Variants in DACH1 observed in about 807,000 individuals in gnomAD.
The protein encoded by DACH1 is dachshund homolog 1.
Under a neutral mutation model 54.2 loss-of-function variants are expected in DACH1, and 12 were observed. That is an observed-to-expected ratio of 0.22 (90% CI 0.14 to 0.36). The LOEUF (loss-of-function observed/expected upper bound fraction) is 0.36. Among genes scored for constraint, DACH1 ranks in the 10% least tolerant of loss-of-function variants. The probability of loss-of-function intolerance (pLI) is 1.00; values close to 1 mark genes in which losing one functional copy is unlikely to be tolerated. For missense variants in DACH1, 805 were observed against 929.8 expected (o/e 0.87, Z 1.75); for synonymous variants, 386 against 366.2 (o/e 1.05, Z -0.62).
chr13:71,790,723 A>G (rs1409699821), intron 1 of DACH1, among the ~76,000 whole-genome samples: 1 of 152,212 alleles, frequency 6.6e-6, no homozygotes, highest in East Asian at 1.9e-4. Flanking sequence ...AACTAATGTT[A>G]GTAACTTCCA....
rs1874333502 is a variant in DACH1 at position 71,861,279 on chromosome 13, AT to A, written c.848+4642del. ...TTGAAGCTTCACAAAATAAAATATCATATGTACAAATCAAATTTCTTACATC... is the reference window on the plus strand; with the variant it reads ...TTGAAGCTTCACAAAATAAAATATCAATGTACAAATCAAATTTCTTACATC... On this transcript the variant is annotated intron_variant, in intron 1 of 10. Transcript: ENST00000613252. Among the ~76,000 whole-genome samples, 2 of 152,044 alleles carry A rather than the reference AT, an allele frequency of 1.3e-5. 1 individual carries two copies. The highest frequency in any genetic ancestry group is 4.8e-5 in the African/African-American group (2 of 41,450).
At chr13:71,842,482 G>A (rs184537667) in intron 1 of DACH1, among the ~76,000 whole-genome samples, 134 of 152,170 alleles carry the variant, frequency 8.8e-4, no homozygotes, top group South Asian at 1.5e-3. Context: ...GAAGGCTGAG[G>A]TGGGAGGATC....
intron 3 of DACH1, among the ~76,000 whole-genome samples, chr13:71,575,955 T>C (rs1366893863): frequency 2.0e-5 from 3 of 152,126 alleles, no homozygotes; most frequent in East Asian, 1.9e-4. Context: ...TAAATAAGAA[T>C]TGAAAATAGG....
chr13:71,722,803 A>C (rs891301332), intron 1 of DACH1, among the ~76,000 whole-genome samples: 1 of 152,128 alleles, frequency 6.6e-6, no homozygotes, highest in African/African-American at 2.4e-5. Context: ...CAATGTCTAC[A>C]TCATTGCTGT....
chr13:71,676,114 AT>A (rs1880550861), intron 2 of DACH1, among the ~76,000 whole-genome samples: 1 of 152,180 alleles, frequency 6.6e-6, no homozygotes, highest in African/African-American at 2.4e-5. Flanking sequence ...CAATCCAACA[AT>A]TTGCGGCTGT....
intron 10 of DACH1, among the ~76,000 whole-genome samples, chr13:71,443,065 A>G (rs960841349): frequency 1.3e-4 from 20 of 148,314 alleles, no homozygotes; most frequent in African/African-American, 4.9e-4. Context: ...AATTATATAT[A>G]TTATTAAATG....
intron 1 of DACH1, among the ~76,000 whole-genome samples, chr13:71,815,602 C>T (rs1241899700): frequency 6.6e-6 from 1 of 152,118 alleles, no homozygotes; most frequent in Non-Finnish European, 1.5e-5. Flanking sequence ...TTTTGGAACA[C>T]TGATTTGAGT....
intron 3 of DACH1, among the ~76,000 whole-genome samples, chr13:71,609,544 T>G (rs1254544568): frequency 6.6e-6 from 1 of 151,988 alleles, no homozygotes; most frequent in East Asian, 1.9e-4. Flanking sequence ...AAGTTGACTT[T>G]TTTTTTTTCT....
chr13:71,489,337 G>C (rs41300584), intron 6 of DACH1, among the ~76,000 whole-genome samples, 189 bp from the exon 7 acceptor site: 3 of 152,088 alleles, frequency 2.0e-5, no homozygotes, highest in Admixed American at 2.0e-4. Context: ...TAACATTAAT[G>C]AGTAACTTTA....
chr13:71,521,517 G>A (rs931020791), intron 6 of DACH1, among the ~76,000 whole-genome samples: 49 of 151,884 alleles, frequency 3.2e-4, no homozygotes, highest in African/African-American at 1.1e-3. Flanking sequence ...ACCTCCTGGA[G>A]GAAAGAAAAA....
At chr13:71,784,056 C>T (rs368414209) in intron 1 of DACH1, among the ~76,000 whole-genome samples, 14 of 151,368 alleles carry the variant, frequency 9.2e-5, no homozygotes, top group African/African-American at 3.4e-4. Flanking sequence ...GAGGTTGCTG[C>T]CTTTATGAAA....
intron 2 of DACH1, among the ~76,000 whole-genome samples, chr13:71,669,693 G>C (rs942593256): frequency 2.6e-5 from 4 of 152,160 alleles, no homozygotes; most frequent in Non-Finnish European, 5.9e-5. Flanking sequence ...AAATAAGGCA[G>C]AACTTATGAT....
At chr13:71,605,425 T>C (rs1446758173) in intron 3 of DACH1, among the ~76,000 whole-genome samples, 2 of 151,770 alleles carry the variant, frequency 1.3e-5, no homozygotes, top group African/African-American at 4.8e-5. Context: ...CTTCTATTTA[T>C]GAAATCACAA....
chr13:71,499,850 G>A (rs1299872782), intron 6 of DACH1, among the ~76,000 whole-genome samples: 1 of 152,092 alleles, frequency 6.6e-6, no homozygotes, highest in Non-Finnish European at 1.5e-5. Context: ...AAGAAAATCT[G>A]ATGGTTCAGC....
At chr13:71,643,440 A>C (rs1213970611) in intron 2 of DACH1, among the ~76,000 whole-genome samples, 2 of 152,198 alleles carry the variant, frequency 1.3e-5, no homozygotes, top group Non-Finnish European at 2.9e-5. Flanking sequence ...CAACACACTT[A>C]AGCGGACTTT....
In DACH1 at chr13:71,572,941, T is replaced by TGGTGACAGATGCTGGAGGTAG; in HGVS notation, c.1177_1197dup (p.Leu393_Thr399dup). On this transcript the variant is annotated inframe_insertion, in exon 4 of 11. Coordinates refer to ENST00000613252, the MANE Select transcript of DACH1 (RefSeq NM_080759.6). ...AGGTGGTTCATCTGGCTCATTGCCA[T>TGGTGACAGATGCTGGAGGTAG]GGTGACAGATGCTGGAGGTAGGCTG... 1.2e-6 allele frequency: 2 copies of TGGTGACAGATGCTGGAGGTAG among 1,614,074 alleles called. No homozygotes were observed. The highest frequency in any genetic ancestry group is 2.2e-5 in the South Asian group (2 of 91,086).
At chr13:71,760,106 G>C (rs897282369) in intron 1 of DACH1, among the ~76,000 whole-genome samples, 2 of 152,090 alleles carry the variant, frequency 1.3e-5, no homozygotes, top group Non-Finnish European at 2.9e-5. Context: ...CTACCACGGC[G>C]GCCCCAGGTG....
intron 1 of DACH1, among the ~76,000 whole-genome samples, chr13:71,780,780 T>G (rs1270466842): frequency 6.6e-6 from 1 of 152,202 alleles, no homozygotes; most frequent in African/African-American, 2.4e-5. Flanking sequence ...CCTGCCTTTT[T>G]AATGTTTTGT....
At chr13:71,455,060 T>C (rs1875433159) in intron 10 of DACH1, among the ~76,000 whole-genome samples, 1 of 152,226 alleles carries the variant, frequency 6.6e-6, no homozygotes, top group South Asian at 2.1e-4. Flanking sequence ...CCAAACCAAA[T>C]GCTGCCTTTG....
Sources: gnomAD v4.1 joint callset for allele counts (sites outside exome capture counted in the v4.1 genomes callset) on GRCh38, gnomAD v4.1.1 for gene constraint, MANE v1.5 for transcripts, NCBI Gene and HGNC (gene_info 2026-07-23, HGNC 2026-07-21) for gene names.